The following RUNX1 variants were observed in gnomAD, a reference collection of about 807,000 sequenced individuals.
RUNX1 encodes runt-related transcription factor 1.
Under a neutral mutation model 42.8 loss-of-function variants are expected in RUNX1, and 19 were observed. That is an observed-to-expected ratio of 0.44 (90% CI 0.31 to 0.65). The LOEUF (loss-of-function observed/expected upper bound fraction) is 0.65, where lower values mean the gene tolerates loss of function less well. RUNX1 is among the 30% of genes least tolerant of loss of function. The probability of loss-of-function intolerance (pLI) is 0.07; values close to 1 mark genes in which losing one functional copy is unlikely to be tolerated. For missense variants in RUNX1, 528 were observed against 672.0 expected, an observed-to-expected ratio of 0.79 and a Z score of 2.37; for synonymous variants, 271 against 289.4, an observed-to-expected ratio of 0.94 and a Z score of 0.64.
At chr21:35,012,375 G>T (rs1042345342) in intron 2 of RUNX1, among the ~76,000 whole-genome samples, 6 of 152,162 alleles carry the variant, frequency 3.9e-5, no homozygotes, top group Admixed American at 3.9e-4. Flanking sequence ...TTATTCTTTT[G>T]TTAAAGTCAC....
In RUNX1 at chr21:34,789,584, T is replaced by TCA. The variant is rs371955155; in HGVS notation, c.*2549_*2550dup. 7,808 of 226,670 alleles carry TCA rather than the reference T, an allele frequency of 0.034. 482 individuals are homozygous for TCA. The highest frequency in any genetic ancestry group is 0.16 in the African/African-American group (7,032 of 44,612). The allele number at this position is 226,670 out of a possible 1,614,324, so 14.0% of individuals were successfully genotyped here. A position where few individuals can be genotyped will look rare whatever the true frequency, so the allele number is the denominator to read the frequency against. On this transcript the variant is annotated 3_prime_UTR_variant, in exon 9 of 9. Coordinates refer to ENST00000675419, the MANE Select transcript of RUNX1 (RefSeq NM_001754.5). Reference sequence around the variant, plus strand: ...ACCTGAAGTCAATGAATGCAATTTTTCACACACACACACACACACGCACAC... The same window carrying TCA: ...ACCTGAAGTCAATGAATGCAATTTTTCACACACACACACACACACACGCACAC...
chr21:34,907,710 GA>G lies in RUNX1; in HGVS notation c.59-14748del, dbSNP rs1323835874. On this transcript the variant is annotated intron_variant, in intron 2 of 8. Coordinates refer to ENST00000675419, the MANE Select transcript of RUNX1 (RefSeq NM_001754.5). This position sits in a 1 kb window ranked among gnomAD's most constrained non-coding sequence, Gnocchi z 5.3. Reference sequence around the variant, plus strand: ...GAAAACCAATTAAATCATAACTGCCGAAGTGCCTTGTCAAGCTAAACAGTCA... The same window carrying G: ...GAAAACCAATTAAATCATAACTGCCGAGTGCCTTGTCAAGCTAAACAGTCA... Among the ~76,000 whole-genome samples the G allele has an allele frequency of 6.6e-6, 1 of 152,158 alleles. No homozygotes were observed. Among genetic ancestry groups the G allele is most frequent in the Non-Finnish European group, 1.5e-5 (1 of 68,038 alleles).
At chr21:34,960,029 C>T (rs2058671638) in intron 2 of RUNX1, among the ~76,000 whole-genome samples, 2 of 152,054 alleles carry the variant, frequency 1.3e-5, no homozygotes, top group African/African-American at 2.4e-5. Flanking sequence ...TCGGCTTGCA[C>T]AGGGGGTCAG....
At chr21:34,884,200 G>T (rs1048318952) in intron 4 of RUNX1, among the ~76,000 whole-genome samples, 4 of 152,158 alleles carry the variant, frequency 2.6e-5, no homozygotes, top group African/African-American at 9.7e-5. Flanking sequence ...AAAAAATAAA[G>T]GTGTTCCATG....
chr21:34,934,269 A>T (rs11701937), intron 2 of RUNX1, among the ~76,000 whole-genome samples: 24,024 of 151,410 alleles, frequency 0.16, 3,832 homozygotes, highest in African/African-American at 0.42. Context: ...GTTTTTTTTT[A>T]ATTTTTTTTT....
At chr21:34,994,518 C>T (rs2058978376) in intron 2 of RUNX1, among the ~76,000 whole-genome samples, 1 of 151,828 alleles carries the variant, frequency 6.6e-6, no homozygotes, top group Admixed American at 6.6e-5. Flanking sequence ...TCTCATGTAC[C>T]CCATACATGA....
intron 6 of RUNX1, among the ~76,000 whole-genome samples, chr21:34,847,467 T>G (rs987869536): frequency 4.7e-4 from 63 of 135,208 alleles, no homozygotes; most frequent in African/African-American, 1.6e-3. Context: ...ATATAGTACA[T>G]GCAAAACAAT....
intron 7 of RUNX1, among the ~76,000 whole-genome samples, chr21:34,823,525 C>A (rs1365606204): frequency 6.8e-6 from 1 of 148,030 alleles, no homozygotes; most frequent in Non-Finnish European, 1.5e-5. Flanking sequence ...CTCACTGCAA[C>A]CTCTGCCTCC....
chr21:34,989,844 C>A (rs8129389), intron 2 of RUNX1, among the ~76,000 whole-genome samples: 2 of 152,014 alleles, frequency 1.3e-5, no homozygotes, highest in East Asian at 1.9e-4. Flanking sequence ...TCTGCAGGCC[C>A]TAGAGACTCC....
intron 3 of RUNX1, 75 bp from the exon 4 acceptor site, chr21:34,887,171 G>A (rs2058007803): frequency 6.4e-7 from 1 of 1,563,304 alleles, no homozygotes; most frequent in Admixed American, 1.7e-5. Flanking sequence ...GGCGACAGGG[G>A]CGCGGATCTT....
chr21:35,041,140 A>G (rs573210051), intron 2 of RUNX1, among the ~76,000 whole-genome samples: 3 of 152,336 alleles, frequency 2.0e-5, no homozygotes, highest in South Asian at 4.1e-4. Context: ...TTCTTTTGAG[A>G]AGTCACAGTC....
At chr21:34,966,833 T>C (rs1489694514) in intron 2 of RUNX1, among the ~76,000 whole-genome samples, 1 of 152,152 alleles carries the variant, frequency 6.6e-6, no homozygotes, top group East Asian at 1.9e-4. Context: ...TTTCACTTTT[T>C]ATGGTGATGG....
intron 2 of RUNX1, among the ~76,000 whole-genome samples, chr21:34,928,421 C>T (rs977150970): frequency 5.9e-5 from 9 of 152,168 alleles, no homozygotes; most frequent in East Asian, 1.9e-4. Flanking sequence ...AGGCCAGGTG[C>T]GGTGGCTCAC....
intron 6 of RUNX1, among the ~76,000 whole-genome samples, chr21:34,854,605 A>G (rs1601461103): frequency 6.6e-6 from 1 of 152,074 alleles, no homozygotes; most frequent in African/African-American, 2.4e-5. Flanking sequence ...GAAAAAAAAA[A>G]AGAAAAAAGA....
At chr21:35,026,683 T>C (rs934207021) in intron 2 of RUNX1, among the ~76,000 whole-genome samples, 4 of 152,324 alleles carry the variant, frequency 2.6e-5, no homozygotes, top group Admixed American at 1.3e-4. Context: ...GCCCGGGGAC[T>C]TGTTGGTGGA....
At chr21:34,838,162 G>C (rs1415205416) in intron 6 of RUNX1, among the ~76,000 whole-genome samples, 1 of 152,122 alleles carries the variant, frequency 6.6e-6, no homozygotes, top group South Asian at 2.1e-4. Flanking sequence ...AAACTGAGCA[G>C]GTATGCATAT....
chr21:35,003,918 T>A (rs2059065254), intron 2 of RUNX1, among the ~76,000 whole-genome samples: 2 of 152,240 alleles, frequency 1.3e-5, no homozygotes, highest in African/African-American at 4.8e-5. Context: ...TTCGTTCAAA[T>A]ACACTCTTTA....
At chr21:35,001,288 AT>A (rs891325191) in intron 2 of RUNX1, among the ~76,000 whole-genome samples, 21 of 88,518 alleles carry the variant, frequency 2.4e-4, no homozygotes, top group East Asian at 4.1e-4. Context: ...TTGGCCTATT[AT>A]TTTTTTTGAG....
chr21:34,966,619 C>G (rs11701453), intron 2 of RUNX1, among the ~76,000 whole-genome samples: 119,346 of 152,126 alleles, frequency 0.78, 47,034 homozygotes, highest in East Asian at 0.94. Flanking sequence ...AAGGCTTCAC[C>G]CCACCAATCA....
Sources: gnomAD v4.1 joint callset for allele counts (sites outside exome capture counted in the v4.1 genomes callset) on GRCh38, gnomAD v4.1.1 for gene constraint, Gnocchi (gnomAD v3.1) non-coding constraint, MANE v1.5 for transcripts, NCBI Gene and HGNC (gene_info 2026-07-23, HGNC 2026-07-21) for gene names.